Variants in RNF213 observed in about 807,000 individuals in gnomAD.
RNF213 encodes ring finger protein 213.
RNF213 carries 341 observed loss-of-function variants against 514.4 expected under a neutral mutation model. That is an observed-to-expected ratio of 0.66 (90% CI 0.61 to 0.73). RNF213 has a LOEUF of 0.73. Among genes scored for constraint, RNF213 ranks in the 30% least tolerant of loss-of-function variants. The pLI is 0.00. For synonymous variants in RNF213, 2,655 were observed against 2,658.2 expected (o/e 1.00, Z 0.04); for missense variants, 5,767 against 6,615.6 (o/e 0.87, Z 4.45).
chr17:80,315,972 G>A (rs1363716518), intron 15 of RNF213: 3 of 152,422 alleles, frequency 2.0e-5, no homozygotes, highest in African/African-American at 7.3e-5. Context: ...TGGAGGTACT[G>A]GAGGTCATGG....
In RNF213 at chr17:80,353,428, G is replaced by A. The variant is rs906888057; in HGVS notation, c.10424-84G>A. 2.0e-6 allele frequency: 3 copies of A among 1,473,602 alleles called. No homozygotes were observed. The Admixed American group carries it at 5.9e-5, about 29-fold the overall frequency. 91.3% of individuals were successfully genotyped at this position (1,473,602 alleles called of 1,614,324 possible). A position where few individuals can be genotyped will look rare whatever the true frequency, so the allele number is the denominator to read the frequency against. ...GGGGAAGCCTGCACTCGGAGGCTGA[G>A]CACACAGACTCCCAGATGGCACCGC... On this transcript the variant is annotated intron_variant, in intron 33 of 67. Coordinates refer to ENST00000582970, the MANE Select transcript of RNF213 (RefSeq NM_001256071.3). This position sits in a 1 kb window ranked among gnomAD's most constrained non-coding sequence, Gnocchi z 5.0.
chr17:80,334,230 G>T lies in RNF213; in HGVS notation c.4269G>T (p.Leu1423=), dbSNP rs1398327677. 8.5e-6 allele frequency: 13 copies of T among 1,537,200 alleles called. No homozygotes were observed. The highest frequency in any genetic ancestry group is 1.7e-4 in the Middle Eastern group (1 of 5,982). Residue 1423 remains leucine, a synonymous_variant, in exon 22 of 68, where the codon CTG becomes CTT. Coordinates refer to ENST00000582970, the MANE Select transcript of RNF213 (RefSeq NM_001256071.3). ...ARCKGLQALS[L]RKEFICWVRE... ...GCAAGGGGCTGCAGGCTCTGTCCCT[G>T]AGAAAGGAGTTCATCTGCTGGGTCC...
rs1305138757 is a variant in RNF213, at chr17:80,297,828, T to A, written c.2013-493T>A. ...AAATGTAGCTAGCTGGGTGTGGTGG[T>A]GCACCTGTAATTCCAGCACTGGAGA... On this transcript the variant is annotated intron_variant, in intron 10 of 67. Transcript: ENST00000582970. 2.7e-5 allele frequency among the ~76,000 whole-genome samples: 4 copies of A among 147,438 alleles called. No individual in the cohort carries two copies. In the South Asian group the frequency reaches 8.7e-4, roughly 32 times the overall value.
At chr17:80,360,379 T>A in intron 38 of RNF213, 173 bp downstream of exon 38, 1 of 752,484 alleles carries the variant, frequency 1.3e-6, no homozygotes, top group South Asian at 1.6e-5. Context: ...CATTTTAAAG[T>A]TTCTGCTGAA....
Position 80,377,101 on chromosome 17 carries a change from C to T in RNF213, c.13510+138C>T, listed in dbSNP as rs547491143. ...AAAACCACCTGCATTCTACCGGTGG[C>T]GTCTGCAGAAGACGAATGGCTTGAA... On this transcript the variant is annotated intron_variant, in intron 53 of 67. Transcript: ENST00000582970. This position sits in a 1 kb window ranked among gnomAD's most constrained non-coding sequence, Gnocchi z 4.1. 8.3e-5 allele frequency: 58 copies of T among 696,808 alleles called. No individual in the cohort carries two copies. The highest frequency in any genetic ancestry group is 3.7e-4 in the Middle Eastern group (1 of 2,694). 43.2% of individuals were successfully genotyped at this position (696,808 alleles called of 1,614,324 possible).
intron 11 of RNF213, among the ~76,000 whole-genome samples, chr17:80,301,776 T>C (rs912480675): frequency 1.3e-5 from 2 of 152,220 alleles, no homozygotes. Context: ...CCAGCAATCG[T>C]ACTGCTGGGG....
chr17:80,347,902 G>A lies in RNF213; in HGVS notation c.9567G>A (p.Glu3189=). Residue 3189 remains glutamate, a synonymous_variant, in exon 29 of 68, where the codon GAG becomes GAA. Coordinates refer to ENST00000582970, the MANE Select transcript of RNF213 (RefSeq NM_001256071.3). This position sits in a 1 kb window ranked among gnomAD's most constrained non-coding sequence, Gnocchi z 7.2. ...AGAAATGGCAGAAGAGCATCGTGGA[G>A]GAGCTCTGTGCGTGGGTGGAGAAGT... ...VLEKWQKSIV[E]ELCAWVEKFI... 1 of 1,614,236 alleles carries A rather than the reference G, an allele frequency of 6.2e-7. No individual in the cohort carries two copies.
intron 11 of RNF213, among the ~76,000 whole-genome samples, chr17:80,299,121 A>G (rs2045077764): frequency 6.6e-6 from 1 of 152,288 alleles, no homozygotes; most frequent in African/African-American, 2.4e-5. Context: ...AAGAACAACA[A>G]CAAATGATGT....
chr17:80,276,744 C>T (rs1302438721), intron 3 of RNF213, among the ~76,000 whole-genome samples: 1 of 152,034 alleles, frequency 6.6e-6, no homozygotes, highest in African/African-American at 2.4e-5. Context: ...GGCAGTTGAT[C>T]CAAAAGTTAC....
At chr17:80,290,430 CGCGTGTGT>C in intron 6 of RNF213, 132 bp from the exon 7 acceptor site, 5 of 966,664 alleles carry the variant, frequency 5.2e-6, no homozygotes, top group East Asian at 2.5e-5. Flanking sequence ...TGCGAGTGTG[CGCGTGTGT>C]GCATGTGTGT....
At chr17:80,281,483 A>AAC (rs1237176381) in intron 3 of RNF213, among the ~76,000 whole-genome samples, 9 of 39,070 alleles carry the variant, frequency 2.3e-4, no homozygotes, top group African/African-American at 2.8e-4. Flanking sequence ...CACACCCCCC[A>AAC]ACATACATAC....
chr17:80,327,069 G>A (rs2143918163), intron 18 of RNF213, among the ~76,000 whole-genome samples: 1 of 152,344 alleles, frequency 6.6e-6, no homozygotes, highest in Non-Finnish European at 1.5e-5. Flanking sequence ...CTTTGCATAT[G>A]CTATGAAAGT....
chr17:80,385,749 G>A (rs992459985), intron 61 of RNF213, 128 bp downstream of exon 61: 17 of 794,480 alleles, frequency 2.1e-5, no homozygotes, highest in South Asian at 4.3e-5. Flanking sequence ...TTGAGATGGA[G>A]TCTTGCTCTG....
At chr17:80,373,234 C>T (rs1357627617) in intron 49 of RNF213, 69 bp downstream of exon 49, 5 of 1,322,278 alleles carry the variant, frequency 3.8e-6, no homozygotes, top group South Asian at 1.3e-5. Context: ...AACCCACACA[C>T]CCCCCTACCC....
chr17:80,291,505 G>T, intron 7 of RNF213, 123 bp from the exon 8 acceptor site: 1 of 962,622 alleles, frequency 1.0e-6, no homozygotes, highest in Non-Finnish European at 1.7e-6. Context: ...TTTCAGGCAT[G>T]GGCCACTGAA....
Position 80,291,730 on chromosome 17 carries a change from A to G in RNF213, c.1374A>G (p.Glu458=), listed in dbSNP as rs1279629998. The change falls in exon 8 of 68, where the codon GAA becomes GAG. Residue 458 remains glutamate (E), a synonymous_variant. Transcript: ENST00000582970. The part of the protein sequence containing the change: ...IPYKYVIYNG[E]SFEYEFIYKH... ...ACAAGTACGTCATTTATAATGGGGA[A>G]TCTTTTGAGTATGAGTTCATTTACA... 6.2e-7 allele frequency: 1 copy of G among 1,614,108 alleles called. No homozygotes were observed. Among genetic ancestry groups the G allele is most frequent in the Non-Finnish European group, 8.5e-7 (1 of 1,180,048 alleles).
At chr17:80,387,566 G>A (rs1374888108) in intron 63 of RNF213, among the ~76,000 whole-genome samples, 1 of 152,224 alleles carries the variant, frequency 6.6e-6, no homozygotes, top group Admixed American at 6.5e-5. Context: ...AAAGCATCCT[G>A]TACGTTGGAC....
intron 36 of RNF213, chr17:80,355,031 C>A (rs999949618): frequency 1.7e-5 from 6 of 357,174 alleles, no homozygotes; most frequent in Non-Finnish European, 3.3e-5. Context: ...ATTTTTCTGT[C>A]ACCCATGAGA....
At chr17:80,268,121 A>G (rs183881569) in intron 2 of RNF213, among the ~76,000 whole-genome samples, 11 of 152,074 alleles carry the variant, frequency 7.2e-5, no homozygotes, top group Admixed American at 2.6e-4. Flanking sequence ...GCACCTGGCC[A>G]ATTTTATTCT....
Sources: allele counts gnomAD v4.1 joint callset (sites outside exome capture counted in the v4.1 genomes callset), GRCh38; gene constraint gnomAD v4.1.1; non-coding constraint Gnocchi (gnomAD v3.1); transcripts MANE v1.5; gene names NCBI Gene and HGNC (gene_info 2026-07-23, HGNC 2026-07-21).